Variants in TACC2 observed in about 807,000 individuals in gnomAD.
TACC2 encodes transforming acidic coiled-coil containing protein 2.
TACC2 carries 137 observed loss-of-function variants against 227.3 expected under a neutral mutation model. The observed-to-expected ratio is 0.60, with a 90% CI of 0.52 to 0.69. The LOEUF is 0.69. Among genes scored for constraint, TACC2 ranks in the 30% least tolerant of loss-of-function variants. TACC2 has a pLI of 0.00. For synonymous variants in TACC2, 1,523 were observed against 1,487.5 expected (o/e 1.02, Z -0.55); for missense variants, 3,470 against 3,694.4 (o/e 0.94, Z 1.57).
intron 1 of TACC2, among the ~76,000 whole-genome samples, chr10:122,021,715 G>A (rs916526155): frequency 1.3e-5 from 2 of 152,144 alleles, no homozygotes; most frequent in African/African-American, 2.4e-5. Flanking sequence ...AGAAGTGTCT[G>A]CCAACCCCGG....
At chr10:121,997,541 C>A (rs1406036886) in intron 1 of TACC2, among the ~76,000 whole-genome samples, 1 of 152,120 alleles carries the variant, frequency 6.6e-6, no homozygotes, top group East Asian at 1.9e-4. Context: ...TGTGGTGGGC[C>A]AGGACCACTC....
chr10:122,151,479 G>T (rs1592650720), intron 7 of TACC2, among the ~76,000 whole-genome samples: 1 of 152,132 alleles, frequency 6.6e-6, no homozygotes, highest in Admixed American at 6.5e-5. Flanking sequence ...CTAGAGGGAG[G>T]TACGGCGGTC....
At chr10:122,040,564 A>G (rs983324281) in intron 2 of TACC2, among the ~76,000 whole-genome samples, 2 of 152,120 alleles carry the variant, frequency 1.3e-5, no homozygotes, top group African/African-American at 4.8e-5. Flanking sequence ...TAACCCCTCC[A>G]TTACCACTCT....
At chr10:122,053,426 G>C (rs1292849301) in intron 3 of TACC2, among the ~76,000 whole-genome samples, 1 of 151,952 alleles carries the variant, frequency 6.6e-6, no homozygotes, top group South Asian at 2.1e-4. Flanking sequence ...ATGAGATTTG[G>C]GTGGGGACAC....
Position 122,083,222 on chromosome 10 carries a change from A to C in TACC2, c.722A>C (p.Gln241Pro). 2 of 1,613,470 alleles carry C rather than the reference A, an allele frequency of 1.2e-6. No homozygotes were observed. Among genetic ancestry groups the C allele is most frequent in the Non-Finnish European group, 1.7e-6 (2 of 1,179,968 alleles). ...AGGFPPAESR[Q>P]GVASVQVTPE... ...GGCTTTCCCCCTGCAGAGTCCAGGC[A>C]GGGGGTGGCTTCTGTGCAAGTGACC... The change falls in exon 4 of 23, where the codon CAG becomes CCG. Residue 241 changes from glutamine to proline, a missense_variant. By Grantham distance (76) the Gln-to-Pro change is moderately conservative. Coordinates refer to ENST00000369005, the MANE Select transcript of TACC2 (RefSeq NM_206862.4).
chr10:122,113,750 C>T (rs965011778), intron 5 of TACC2, among the ~76,000 whole-genome samples: 2 of 152,248 alleles, frequency 1.3e-5, no homozygotes, highest in African/African-American at 4.8e-5. Context: ...GAGTTTGGGA[C>T]TTTTAAATTC....
At chr10:122,163,394 C>G (rs559220838) in intron 7 of TACC2, 1 of 203,646 alleles carries the variant, frequency 4.9e-6, no homozygotes, top group South Asian at 1.7e-4. Context: ...GCTCCCGGGC[C>G]GCGGCTCGTT....
At chr10:122,041,666 C>G (rs1023331752) in intron 2 of TACC2, among the ~76,000 whole-genome samples, 1 of 152,070 alleles carries the variant, frequency 6.6e-6, no homozygotes, top group Non-Finnish European at 1.5e-5. Flanking sequence ...AGGCCAGGCT[C>G]GAACTCCTGA....
At chr10:122,248,356 A>G in intron 19 of TACC2, 2 of 351,914 alleles carry the variant, frequency 5.7e-6, no homozygotes, top group South Asian at 5.2e-5. Flanking sequence ...GGACACCAAT[A>G]TAGACCTGTG....
At chr10:122,132,312 G>A (rs938501393) in intron 5 of TACC2, among the ~76,000 whole-genome samples, 2 of 152,226 alleles carry the variant, frequency 1.3e-5, no homozygotes, top group African/African-American at 4.8e-5. Context: ...TTGGGAGGCC[G>A]AGGCATGCAG....
intron 5 of TACC2, chr10:122,127,102 C>G (rs2087028868): frequency 1.2e-5 from 2 of 168,320 alleles, no homozygotes. Flanking sequence ...GACACTGAAC[C>G]TGCTGGTGCC....
At position 122,211,555 on chromosome 10, in the gene TACC2, C is replaced by T. The variant is rs955858634; in HGVS notation, c.7130C>T (p.Ser2377Phe). The change falls in exon 9 of 23, where the codon TCC becomes TTC. Residue 2377 changes from serine (S) to phenylalanine (F), a missense_variant. Ser to Phe is a radical substitution (Grantham distance 155). This residue lies in a region of TACC2 where 593 missense variants were observed against 636.6 expected (regional missense o/e 0.93). Transcript: ENST00000369005. ...TTTGACCCAGACACCTGTGATGAGT[C>T]CGTTGACCCCTTTAAGACATCCTCT... is the stretch of plus-strand genomic sequence containing the variant. The part of the protein sequence containing the change: ...YNFDPDTCDE[S>F]VDPFKTSSKT... 6.2e-7 allele frequency: 1 copy of T among 1,614,004 alleles called. No individual in the cohort carries two copies. The highest frequency in any genetic ancestry group is 2.2e-5 in the East Asian group (1 of 44,864).
chr10:122,096,439 A>G (rs1437527817), intron 5 of TACC2, among the ~76,000 whole-genome samples: 4 of 152,154 alleles, frequency 2.6e-5, no homozygotes, highest in South Asian at 2.1e-4. Context: ...GCTCACGCCT[A>G]TAATCCCAGC....
chr10:122,043,628 T>G (rs966220423), intron 2 of TACC2, among the ~76,000 whole-genome samples: 1 of 151,764 alleles, frequency 6.6e-6, no homozygotes, highest in African/African-American at 2.4e-5. Context: ...GTTGCCAGAC[T>G]GAAGTGCAGT....
intron 3 of TACC2, among the ~76,000 whole-genome samples, chr10:122,072,917 T>G (rs918979959): frequency 2.0e-5 from 3 of 151,374 alleles, no homozygotes; most frequent in Non-Finnish European, 4.4e-5. Context: ...ATGGAGACCA[T>G]CCTAGCCAAC....
In TACC2 at chr10:122,211,011, G is replaced by A. The variant is rs763017330; in HGVS notation, c.6586G>A (p.Ala2196Thr). The change falls in exon 9 of 23, where the codon GCT becomes ACT. Residue 2196 changes from alanine to threonine, a missense_variant. Ala to Thr is a moderately conservative substitution (Grantham distance 58, BLOSUM62 0). This residue lies in a region of TACC2 where 593 missense variants were observed against 636.6 expected (regional missense o/e 0.93). Coordinates refer to ENST00000369005, the MANE Select transcript of TACC2 (RefSeq NM_206862.4). ...ATTGGAGGAGACGCCCCTTGAGCCC[G>A]CTGTGGGGCCCAAAGCTGCCTGCCC... ...ALLEETPLEP[A>T]VGPKAACPLD... 11 of 1,611,936 alleles carry A rather than the reference G, an allele frequency of 6.8e-6. No homozygotes were observed. The highest frequency in any genetic ancestry group is 4.0e-5 in the African/African-American group (3 of 74,740).
chr10:122,102,808 C>T (rs1046033573), intron 5 of TACC2, among the ~76,000 whole-genome samples: 7 of 152,194 alleles, frequency 4.6e-5, no homozygotes, highest in African/African-American at 1.7e-4. Context: ...GCCGAGGCCA[C>T]ATCTAGAAAT....
intron 1 of TACC2, among the ~76,000 whole-genome samples, chr10:122,002,528 T>G (rs1245865198): frequency 1.3e-5 from 2 of 152,196 alleles, no homozygotes; most frequent in African/African-American, 2.4e-5. Flanking sequence ...TTAAAATGCT[T>G]TGGAATAATT....
chr10:122,124,333 C>T (rs1037665726), intron 5 of TACC2, among the ~76,000 whole-genome samples: 2 of 152,174 alleles, frequency 1.3e-5, no homozygotes, highest in Non-Finnish European at 2.9e-5. Flanking sequence ...CCAGTGTGTC[C>T]TGCATCACCT....
Sources: gnomAD v4.1 joint callset for allele counts (sites outside exome capture counted in the v4.1 genomes callset) on GRCh38, gnomAD v4.1.1 for gene constraint, gnomAD v4.1.1 regional missense constraint, MANE v1.5 for transcripts, NCBI Gene and HGNC (gene_info 2026-07-23, HGNC 2026-07-21) for gene names.